Variants in RAB8B observed in about 807,000 individuals in gnomAD.
RAB8B encodes ras-related protein Rab-8B.
Under a neutral mutation model 32.0 loss-of-function variants are expected in RAB8B, and 11 were observed. That is an observed-to-expected ratio of 0.34 (90% confidence interval 0.22 to 0.57). The LOEUF (loss-of-function observed/expected upper bound fraction) is 0.57. Among genes scored for constraint, RAB8B ranks in the 20% least tolerant of loss-of-function variants. The pLI, the probability that RAB8B is intolerant of heterozygous loss-of-function variation, is 0.86. For missense variants in RAB8B, 190 were observed against 258.5 expected, an observed-to-expected ratio of 0.73 and a Z score of 1.82; for synonymous variants, 103 against 89.6, an observed-to-expected ratio of 1.15 and a Z score of -0.85.
chr15:63,193,587 G>A (rs1313899848), intron 1 of RAB8B, among the ~76,000 whole-genome samples: 2 of 152,192 alleles, frequency 1.3e-5, no homozygotes, highest in East Asian at 3.9e-4. Flanking sequence ...CAAGGCAGGC[G>A]GATCACAAGG....
Position 63,248,442 on chromosome 15 carries a change from G to A in RAB8B, c.186-1203G>A, listed in dbSNP as rs1219140740. Among the ~76,000 whole-genome samples, 1 of 152,196 alleles carries A rather than the reference G, an allele frequency of 6.6e-6. No homozygotes were observed. Among genetic ancestry groups the A allele is most frequent in the African/African-American group, 2.4e-5 (1 of 41,450 alleles). On this transcript the variant is annotated intron_variant, in intron 2 of 7. Coordinates refer to ENST00000321437, the MANE Select transcript of RAB8B (RefSeq NM_016530.3). The surrounding 1 kb of genome is among the most constrained non-coding windows in gnomAD (Gnocchi z 4.4). ...CAGGAGAATCGCTTGAACCCAGGAG[G>A]CAGAGGTTGCAGTGAGCCAGGATTG...
chr15:63,203,268 G>A (rs1400954283), intron 1 of RAB8B, among the ~76,000 whole-genome samples: 1 of 152,198 alleles, frequency 6.6e-6, no homozygotes, highest in Non-Finnish European at 1.5e-5. Context: ...AATGGAAAAA[G>A]TAGACATAAG....
chr15:63,223,364 G>A (rs1485462146), intron 1 of RAB8B, among the ~76,000 whole-genome samples: 3 of 151,832 alleles, frequency 2.0e-5, no homozygotes, highest in Admixed American at 6.6e-5. Context: ...CACTTGCCTC[G>A]GCCCCAAAGT....
chr15:63,238,669 A>G (rs904445170), intron 1 of RAB8B, among the ~76,000 whole-genome samples: 1 of 152,336 alleles, frequency 6.6e-6, no homozygotes, highest in African/African-American at 2.4e-5. Flanking sequence ...TATAATAGGT[A>G]TATAATATAG....
At chr15:63,231,994 T>G (rs540227782) in intron 1 of RAB8B, among the ~76,000 whole-genome samples, 21 of 152,348 alleles carry the variant, frequency 1.4e-4, no homozygotes, top group African/African-American at 5.0e-4. Flanking sequence ...TGAAGTCTTT[T>G]GGCCTGGCTT....
At chr15:63,189,870 C>T (rs2037539424) in intron 1 of RAB8B, 122 bp downstream of exon 1, 2 of 895,896 alleles carry the variant, frequency 2.2e-6, no homozygotes, top group Non-Finnish European at 1.4e-6. Context: ...TGCAAGGTGG[C>T]GGGGGCACTG....
At chr15:63,192,539 C>G (rs1041222258) in intron 1 of RAB8B, among the ~76,000 whole-genome samples, 2 of 152,162 alleles carry the variant, frequency 1.3e-5, no homozygotes, top group Non-Finnish European at 2.9e-5. Flanking sequence ...CTGTGTCATA[C>G]GGAAAAGATG....
chr15:63,225,815 G>T (rs539553929), intron 1 of RAB8B, among the ~76,000 whole-genome samples: 116 of 152,078 alleles, frequency 7.6e-4, no homozygotes, highest in Non-Finnish European at 1.4e-3. Context: ...TTGGCAAGAA[G>T]AATTTAATAT....
chr15:63,259,942 C>T lies in RAB8B; in HGVS notation c.480+250C>T, dbSNP rs1479850806. On this transcript the variant is annotated intron_variant, in intron 6 of 7. Transcript: ENST00000321437. The surrounding 1 kb of genome is among the most constrained non-coding windows in gnomAD (Gnocchi z 4.4). ...CTCTGCCTCCCAGGTTCAAGCGATT[C>T]TCCTGCCTCAGCCTCCCGAGTAGCT... Among the ~76,000 whole-genome samples the T allele has an allele frequency of 2.6e-5, 4 of 152,000 alleles. No homozygotes were observed. The highest frequency in any genetic ancestry group is 9.7e-5 in the African/African-American group (4 of 41,362).
At chr15:63,204,349 G>A (rs764278106) in intron 1 of RAB8B, among the ~76,000 whole-genome samples, 4 of 152,074 alleles carry the variant, frequency 2.6e-5, no homozygotes, top group Non-Finnish European at 5.9e-5. Context: ...CCTTGACCTC[G>A]GGTGCAGCAT....
chr15:63,261,987 C>A (rs1430778443), intron 6 of RAB8B, among the ~76,000 whole-genome samples: 2 of 152,148 alleles, frequency 1.3e-5, no homozygotes, highest in East Asian at 3.9e-4. Context: ...GGAATTTAGC[C>A]GAGAGCTCCA....
chr15:63,210,927 A>C (rs2037741631), intron 1 of RAB8B, among the ~76,000 whole-genome samples: 1 of 152,252 alleles, frequency 6.6e-6, no homozygotes, highest in Non-Finnish European at 1.5e-5. Flanking sequence ...TTCTATCAGC[A>C]TACTCGAGAT....
chr15:63,266,241 T>G lies in RAB8B; in HGVS notation c.*2622T>G, dbSNP rs1229253079. 1.3e-5 allele frequency: 2 copies of G among 152,622 alleles called. No individual in the cohort carries two copies. Among genetic ancestry groups the G allele is most frequent in the African/African-American group, 4.8e-5 (2 of 41,450 alleles). 9.5% of individuals were successfully genotyped at this position (152,622 alleles called of 1,614,324 possible). A position where few individuals can be genotyped will look rare whatever the true frequency, so the allele number is the denominator to read the frequency against. On this transcript the variant is annotated 3_prime_UTR_variant, in exon 8 of 8. Transcript: ENST00000321437. Reference sequence around the variant, plus strand: ...TGCACTTTATTAATCAGTGTGTTAATTTTTGACAGTGATTGGACTAGACCT... The same window carrying G: ...TGCACTTTATTAATCAGTGTGTTAAGTTTTGACAGTGATTGGACTAGACCT...
At chr15:63,254,861 G>T (rs535077516) in intron 3 of RAB8B, among the ~76,000 whole-genome samples, 220 of 152,122 alleles carry the variant, frequency 1.4e-3, no homozygotes, top group African/African-American at 5.2e-3. Context: ...GCAGTGAGTG[G>T]AGATCATGCC....
Position 63,266,678 on chromosome 15 carries a change from T to C in RAB8B, c.*3059T>C, listed in dbSNP as rs2038250719. 6.6e-6 allele frequency: 1 copy of C among 152,590 alleles called. No homozygotes were observed. The highest frequency in any genetic ancestry group is 1.5e-5 in the Non-Finnish European group (1 of 68,002). The allele number at this position is 152,590 out of a possible 1,614,324, so 9.5% of individuals were successfully genotyped here. On this transcript the variant is annotated 3_prime_UTR_variant, in exon 8 of 8. Coordinates refer to ENST00000321437, the MANE Select transcript of RAB8B (RefSeq NM_016530.3). ...GGAAATATTAGTTTAGGATAGAGCA[T>C]ACATGTCATATCCAGTAGCATAAAA...
intron 1 of RAB8B, among the ~76,000 whole-genome samples, chr15:63,226,666 A>T (rs748845431): frequency 6.6e-6 from 1 of 152,138 alleles, no homozygotes; most frequent in Non-Finnish European, 1.5e-5. Context: ...ATACATAGTC[A>T]TTGTGTTTTC....
At chr15:63,215,516 CTATGA>C (rs1337751812) in intron 1 of RAB8B, among the ~76,000 whole-genome samples, 1 of 152,172 alleles carries the variant, frequency 6.6e-6, no homozygotes, top group African/African-American at 2.4e-5. Flanking sequence ...CTGAGAATCC[CTATGA>C]TAGACTTCGC....
chr15:63,246,897 G>C (rs1273306356), intron 2 of RAB8B, among the ~76,000 whole-genome samples: 1 of 152,202 alleles, frequency 6.6e-6, no homozygotes, highest in African/African-American at 2.4e-5. Context: ...TAAACACTTT[G>C]TTGGAGATTC....
intron 1 of RAB8B, among the ~76,000 whole-genome samples, chr15:63,215,815 TTGTTTGACCCCAGG>T (rs2037786832): frequency 6.6e-6 from 1 of 152,096 alleles, no homozygotes; most frequent in Non-Finnish European, 1.5e-5. Context: ...GGCAGGATGA[TTGTTTGACCCCAGG>T]TGTTTGAGAC....
Sources: allele counts gnomAD v4.1 joint callset (sites outside exome capture counted in the v4.1 genomes callset), GRCh38; gene constraint gnomAD v4.1.1; non-coding constraint Gnocchi (gnomAD v3.1); transcripts MANE v1.5; gene names NCBI Gene and HGNC (gene_info 2026-07-23, HGNC 2026-07-21).